LINGO2: variants seen among roughly 807,000 people sequenced by gnomAD.
LINGO2 encodes leucine rich repeat and Ig domain containing 2.
A neutral mutation model predicts 30.6 loss-of-function variants in LINGO2; 14 were observed. The observed-to-expected ratio is 0.46, with a 90% CI of 0.30 to 0.72. The LOEUF is 0.72. Ranked by LOEUF, LINGO2 falls within the 30% of genes least tolerant of loss-of-function variation. The pLI is 0.07. For synonymous variants in LINGO2, 317 were observed against 288.5 expected, an observed-to-expected ratio of 1.10 and a Z score of -1.00; for missense variants, 729 against 751.7, an observed-to-expected ratio of 0.97 and a Z score of 0.35.
At chr9:28,240,776 G>T (rs1216492222) in intron 4 of LINGO2, among the ~76,000 whole-genome samples, 1 of 151,998 alleles carries the variant, frequency 6.6e-6, no homozygotes, top group African/African-American at 2.4e-5. Context: ...AGCAACGAAA[G>T]AAAACATGGA....
intron 4 of LINGO2, among the ~76,000 whole-genome samples, chr9:28,093,454 G>A (rs761807876): frequency 5.3e-5 from 8 of 152,022 alleles, no homozygotes; most frequent in Admixed American, 1.3e-4. Flanking sequence ...GGGTCACTGC[G>A]AAACTTAAAG....
intron 4 of LINGO2, among the ~76,000 whole-genome samples, chr9:28,135,241 C>T (rs948547630): frequency 2.7e-5 from 4 of 150,484 alleles, no homozygotes; most frequent in Admixed American, 2.6e-4. Flanking sequence ...GAAAGAAGAC[C>T]CTAAAGAGGA....
At chr9:28,085,414 T>C (rs1344558216) in intron 4 of LINGO2, among the ~76,000 whole-genome samples, 2 of 152,244 alleles carry the variant, frequency 1.3e-5, no homozygotes, top group African/African-American at 4.8e-5. Flanking sequence ...GGATCTGTCC[T>C]ACATCTTGGT....
At chr9:28,919,098 C>A in the LINGO2 span, among the ~76,000 whole-genome samples, 2 of 152,274 alleles carry the variant, frequency 1.3e-5, no homozygotes, top group East Asian at 3.9e-4. Flanking sequence ...TTACATTCCC[C>A]TCAGGTGTCT....
intron 3 of LINGO2, among the ~76,000 whole-genome samples, chr9:28,313,768 G>A (rs1486318129): frequency 6.6e-6 from 1 of 152,176 alleles, no homozygotes; most frequent in African/African-American, 2.4e-5. Context: ...GAGTATGTAA[G>A]GAGTGCCAAT....
At chr9:28,997,682 G>T in the LINGO2 span, among the ~76,000 whole-genome samples, 1 of 151,972 alleles carries the variant, frequency 6.6e-6, no homozygotes, top group Non-Finnish European at 1.5e-5. Context: ...AATTAGCTGG[G>T]CATGGTAGTG....
intron 1 of LINGO2, among the ~76,000 whole-genome samples, chr9:28,615,122 A>G (rs1826082784): frequency 6.6e-6 from 1 of 152,126 alleles, no homozygotes; most frequent in African/African-American, 2.4e-5. Flanking sequence ...CATGGAAGAC[A>G]AAAAGAAAAT....
intron 2 of LINGO2, among the ~76,000 whole-genome samples, chr9:28,444,953 C>G (rs75163560): frequency 6.6e-6 from 1 of 152,118 alleles, no homozygotes; most frequent in Admixed American, 6.5e-5. Flanking sequence ...CATACTCAGG[C>G]ATAAGGTGCT....
At chr9:28,595,097 A>G (rs1587930833) in intron 1 of LINGO2, among the ~76,000 whole-genome samples, 1 of 152,050 alleles carries the variant, frequency 6.6e-6, no homozygotes, top group East Asian at 1.9e-4. Flanking sequence ...TAGGAAATCA[A>G]TTACTCCACT....
At chr9:28,027,309 G>C (rs1204040761) in intron 4 of LINGO2, among the ~76,000 whole-genome samples, 3 of 152,076 alleles carry the variant, frequency 2.0e-5, no homozygotes, top group Non-Finnish European at 4.4e-5. Flanking sequence ...CCAAGATCTC[G>C]CAAGTGGTGG....
intron 4 of LINGO2, among the ~76,000 whole-genome samples, chr9:28,280,577 A>G (rs1823285041): frequency 6.6e-6 from 1 of 152,136 alleles, no homozygotes; most frequent in Admixed American, 6.5e-5. Flanking sequence ...CATTTAAGAC[A>G]ATGTCCTTTT....
the LINGO2 span, among the ~76,000 whole-genome samples, chr9:28,707,419 C>A: frequency 3.3e-5 from 5 of 152,098 alleles, no homozygotes; most frequent in African/African-American, 1.2e-4. Context: ...TTTCTCCATC[C>A]ATCCTCCTGA....
intron 1 of LINGO2, among the ~76,000 whole-genome samples, chr9:28,519,520 C>CAA (rs1293367379): frequency 1.3e-5 from 2 of 152,174 alleles, no homozygotes; most frequent in Non-Finnish European, 2.9e-5. Context: ...CTCTGCTCAA[C>CAA]AAATCATTCC....
At chr9:28,003,324 CATATAGATATATAGAT>C (rs535033953) in intron 5 of LINGO2, among the ~76,000 whole-genome samples, 6 of 141,906 alleles carry the variant, frequency 4.2e-5, no homozygotes, top group African/African-American at 1.6e-4. Flanking sequence ...TTTTGTTAAC[CATATAGATATATAGAT>C]ATATAGATAG....
chr9:28,870,033 A>C, the LINGO2 span, among the ~76,000 whole-genome samples: 73 of 151,998 alleles, frequency 4.8e-4, no homozygotes, highest in African/African-American at 1.7e-3. Flanking sequence ...GAAAAAAAAA[A>C]CCCATAACAT....
At chr9:28,878,876 A>C in the LINGO2 span, among the ~76,000 whole-genome samples, 7 of 152,186 alleles carry the variant, frequency 4.6e-5, no homozygotes, top group Non-Finnish European at 8.8e-5. Flanking sequence ...ACCCACAGCC[A>C]ATATCATACT....
chr9:28,502,651 AT>A (rs530780110), intron 1 of LINGO2, among the ~76,000 whole-genome samples: 173 of 152,220 alleles, frequency 1.1e-3, no homozygotes, highest in South Asian at 3.1e-3. Context: ...TTATAGTGAC[AT>A]TTGTTATTCA....
intron 4 of LINGO2, among the ~76,000 whole-genome samples, chr9:28,201,015 A>G (rs898053508): frequency 2.0e-5 from 3 of 146,810 alleles, no homozygotes; most frequent in Admixed American, 6.8e-5. Context: ...TTTTTCTTCT[A>G]TTGCCTCCTT....
At chr9:28,321,719 G>C (rs564479817) in intron 3 of LINGO2, among the ~76,000 whole-genome samples, 1 of 152,120 alleles carries the variant, frequency 6.6e-6, no homozygotes, top group South Asian at 2.1e-4. Context: ...CAATTTCATT[G>C]TTGATCTGCC....
Sources: allele counts gnomAD v4.1 joint callset (sites outside exome capture counted in the v4.1 genomes callset), GRCh38; gene constraint gnomAD v4.1.1; transcripts MANE v1.5; gene names NCBI Gene and HGNC (gene_info 2026-07-23, HGNC 2026-07-21).